Variants in MYO5A observed in about 807,000 individuals in gnomAD.
MYO5A encodes myosin VA, also known as unconventional myosin-Va.
Under a neutral mutation model 249.7 loss-of-function variants are expected in MYO5A, and 98 were observed. The observed-to-expected ratio is 0.39, with a 90% CI of 0.33 to 0.46. The LOEUF (loss-of-function observed/expected upper bound fraction) is 0.46. Ranked by LOEUF, MYO5A falls within the 20% of genes least tolerant of loss-of-function variation. The probability of loss-of-function intolerance (pLI) is 0.98; values close to 1 mark genes in which losing one functional copy is unlikely to be tolerated. For synonymous variants in MYO5A, 778 were observed against 810.6 expected, an observed-to-expected ratio of 0.96 and a Z score of 0.68; for missense variants, 1,696 against 2,308.8, an observed-to-expected ratio of 0.73 and a Z score of 5.44.
intron 24 of MYO5A, among the ~76,000 whole-genome samples, 167 bp from the exon 25 acceptor site, chr15:52,360,248 G>A (rs549520444): frequency 3.3e-4 from 50 of 152,284 alleles, no homozygotes; most frequent in African/African-American, 1.1e-3. Context: ...AAAGGTCACC[G>A]CTTCAAAGAA....
intron 1 of MYO5A, among the ~76,000 whole-genome samples, chr15:52,516,994 T>C (rs2141642471): frequency 6.6e-6 from 1 of 152,300 alleles, no homozygotes; most frequent in South Asian, 2.1e-4. Flanking sequence ...ATAATGACAA[T>C]GGTCAGAAAA....
intron 1 of MYO5A, among the ~76,000 whole-genome samples, chr15:52,434,539 A>G (rs981138781): frequency 1.3e-5 from 2 of 152,224 alleles, no homozygotes; most frequent in African/African-American, 4.8e-5. Context: ...TAGCCTCAAC[A>G]TCATGAAAAA....
chr15:52,402,797 A>G (rs59584964), intron 9 of MYO5A, among the ~76,000 whole-genome samples: 22,749 of 152,162 alleles, frequency 0.15, 1,797 homozygotes, highest in Middle Eastern at 0.22. Flanking sequence ...GTGAGCCAAG[A>G]TCGCATCACT....
In MYO5A at chr15:52,392,084, G is replaced by GA. The variant is rs759915332; in HGVS notation, c.1402-15dup. The GA allele has an allele frequency of 6.2e-7, 1 of 1,603,804 alleles. No homozygotes were observed. Among genetic ancestry groups the GA allele is most frequent in the Non-Finnish European group, 8.5e-7 (1 of 1,176,446 alleles). ...TTTGAAGACATGCTGAAATGAAAAAGAAAAAAAGCAGTCATTACTGGATCA... is the reference window on the plus strand; with the variant it reads ...TTTGAAGACATGCTGAAATGAAAAAGAAAAAAAAGCAGTCATTACTGGATCA... On this transcript the variant is annotated splice_polypyrimidine_tract_variant and intron_variant, in intron 11 of 41. Transcript: ENST00000399233.
At chr15:52,398,623 G>A (rs1396328608) in intron 9 of MYO5A, among the ~76,000 whole-genome samples, 1 of 152,072 alleles carries the variant, frequency 6.6e-6, no homozygotes, top group Non-Finnish European at 1.5e-5. Context: ...ATACAAATCA[G>A]CACCACTGCC....
intron 30 of MYO5A, among the ~76,000 whole-genome samples, chr15:52,344,162 T>C (rs1191912804): frequency 6.6e-6 from 1 of 152,212 alleles, no homozygotes; most frequent in African/African-American, 2.4e-5. Context: ...CTACTTTACA[T>C]CTAGAGAGTT....
At chr15:52,481,805 T>C (rs1178260539) in intron 1 of MYO5A, among the ~76,000 whole-genome samples, 1 of 152,128 alleles carries the variant, frequency 6.6e-6, no homozygotes, top group African/African-American at 2.4e-5. Context: ...GCTCAGATCA[T>C]AAAAGGACTG....
chr15:52,435,585 C>A, intron 1 of MYO5A: 1 of 450,476 alleles, frequency 2.2e-6, no homozygotes, highest in Non-Finnish European at 4.4e-6. Context: ...CCTATGTTAA[C>A]CTCTTTACTG....
At chr15:52,505,139 T>C (rs2077241899) in intron 1 of MYO5A, 1 of 710,624 alleles carries the variant, frequency 1.4e-6, no homozygotes, top group Admixed American at 2.2e-5. Flanking sequence ...GGCCACTTAA[T>C]TCAGGGCCCT....
At chr15:52,419,317 A>C (rs553950911) in intron 4 of MYO5A, among the ~76,000 whole-genome samples, 4 of 152,370 alleles carry the variant, frequency 2.6e-5, no homozygotes, top group Admixed American at 2.0e-4. Flanking sequence ...AGAAAATATT[A>C]AGTTAGTGTA....
Position 52,313,748 on chromosome 15 carries a change from T to C in MYO5A, c.5591A>G (p.Glu1864Gly), listed in dbSNP as rs1191221756. The C allele has an allele frequency of 6.2e-7, 1 of 1,614,174 alleles. No homozygotes were observed. The highest frequency in any genetic ancestry group is 8.5e-7 in the Non-Finnish European group (1 of 1,180,028). The part of the protein sequence containing the change: ...FPFNPSSLAL[E>G]TIQIPASLGL... ...GAGGCTGGCTGGAATCTGGATGGTT[T>C]CTAGTGCGAGGGAAGATGGGTTGAA... The change falls in exon 42 of 42, where the codon GAA becomes GGA. Residue 1864 changes from glutamate (E) to glycine (G), a missense_variant. Around this residue, in one of 5 missense-constraint regions of MYO5A, gnomAD observed 625 missense variants for 908.1 expected, o/e 0.69. Coordinates refer to ENST00000399233, the MANE Select transcript of MYO5A (RefSeq NM_001382347.1).
chr15:52,344,891 G>A (rs1200953983), intron 30 of MYO5A, among the ~76,000 whole-genome samples: 1 of 152,230 alleles, frequency 6.6e-6, no homozygotes, highest in Admixed American at 6.5e-5. Flanking sequence ...TGATAGAATA[G>A]CTAAGTGGAT....
chr15:52,375,482 A>C (rs1356611212), intron 19 of MYO5A, 22 bp from the exon 20 acceptor site: 2 of 1,613,648 alleles, frequency 1.2e-6, no homozygotes, highest in Admixed American at 1.7e-5. Flanking sequence ...AAATAACATT[A>C]TGTTGTCAGT....
Position 52,340,260 on chromosome 15 carries a change from G to GGCA in MYO5A, c.4172_4174dup (p.Leu1391dup). On this transcript the variant is annotated inframe_insertion, in exon 32 of 42. Coordinates refer to ENST00000399233, the MANE Select transcript of MYO5A (RefSeq NM_001382347.1). The stretch of plus-strand genomic sequence containing the variant: ...GCTGGCCTCAATGCGGGCCTCTGGG[G>GGCA]GCAGCTGCAGGTTCTGGGCCAGCAG... The GGCA allele has an allele frequency of 6.2e-7, 1 of 1,614,062 alleles. No homozygotes were observed. Among genetic ancestry groups the GGCA allele is most frequent in the Non-Finnish European group, 8.5e-7 (1 of 1,180,034 alleles).
intron 27 of MYO5A, 141 bp downstream of exon 27, chr15:52,353,464 G>A: frequency 1.4e-6 from 1 of 731,174 alleles, no homozygotes; most frequent in South Asian, 1.6e-5. Flanking sequence ...AACACAAGAA[G>A]TAATGCTGAA....
intron 1 of MYO5A, among the ~76,000 whole-genome samples, chr15:52,500,350 T>C (rs1238335451): frequency 6.6e-6 from 1 of 150,394 alleles, no homozygotes; most frequent in Non-Finnish European, 1.5e-5. Context: ...CCCATTTTTT[T>C]TTTTTTTTTT....
At chr15:52,380,673 A>T (rs1395955444) in intron 16 of MYO5A, among the ~76,000 whole-genome samples, 1 of 152,138 alleles carries the variant, frequency 6.6e-6, no homozygotes, top group Non-Finnish European at 1.5e-5. Context: ...AGGCTGAGGC[A>T]GGAGAATCGC....
In MYO5A at chr15:52,375,437, G is replaced by T; in HGVS notation, c.2444C>A (p.Thr815Asn). Residue 815 changes from threonine (T) to asparagine (N), a missense_variant, in exon 20 of 42, where the codon ACC becomes AAC. Around this residue, in one of 5 missense-constraint regions of MYO5A, gnomAD observed 412 missense variants for 453.3 expected, o/e 0.91. Coordinates refer to ENST00000399233, the MANE Select transcript of MYO5A (RefSeq NM_001382347.1). Reference protein sequence around the residue: ...ARCYAKFLRRTKAATIIQKYW... With the variant: ...ARCYAKFLRRNKAATIIQKYW... ...CTTTTGAATGATGGTTGCTGCCTTGGTTCTGCGCAGAAACTTAGCATAGCT... is the reference window on the plus strand; with the variant it reads ...CTTTTGAATGATGGTTGCTGCCTTGTTTCTGCGCAGAAACTTAGCATAGCT... 1 of 1,614,110 alleles carries T rather than the reference G, an allele frequency of 6.2e-7. No homozygotes were observed. Among genetic ancestry groups the T allele is most frequent in the Non-Finnish European group, 8.5e-7 (1 of 1,179,998 alleles).
intron 1 of MYO5A, among the ~76,000 whole-genome samples, chr15:52,469,604 C>T (rs189230547): frequency 6.6e-6 from 1 of 152,094 alleles, no homozygotes; most frequent in Non-Finnish European, 1.5e-5. Flanking sequence ...TACAGAAATA[C>T]GTCATAATTT....
Sources: gnomAD v4.1 joint callset for allele counts (sites outside exome capture counted in the v4.1 genomes callset) on GRCh38, gnomAD v4.1.1 for gene constraint, gnomAD v4.1.1 regional missense constraint, MANE v1.5 for transcripts, NCBI Gene and HGNC (gene_info 2026-07-23, HGNC 2026-07-21) for gene names.